The following WDR72 variants were observed in gnomAD, a reference collection of about 807,000 sequenced individuals.
WDR72 encodes the protein WD repeat domain 72, also known as WD repeat-containing protein 72.
A neutral mutation model predicts 124.2 loss-of-function variants in WDR72; 120 were observed. The ratio of observed to expected loss-of-function variants is 0.97; its 90% CI spans 0.83 to 1.12. The LOEUF is 1.12. Among genes scored for constraint, WDR72 ranks in the 50% most tolerant of loss-of-function variants. WDR72 has a pLI of 0.00. For missense variants in WDR72, 1,387 were observed against 1,278.8 expected (o/e 1.08, Z -1.29); for synonymous variants, 452 against 441.7 (o/e 1.02, Z -0.29).
chr15:53,685,063 A>C (rs931104505), intron 13 of WDR72, among the ~76,000 whole-genome samples: 6 of 152,196 alleles, frequency 3.9e-5, no homozygotes, highest in East Asian at 3.9e-4. Flanking sequence ...CCATCTGTAC[A>C]TCACCATCAT....
intron 18 of WDR72, among the ~76,000 whole-genome samples, chr15:53,568,072 GTTTT>G (rs66751840): frequency 7.2e-6 from 1 of 138,048 alleles, no homozygotes; most frequent in Non-Finnish European, 1.6e-5. Flanking sequence ...TTTTTGTCTT[GTTTT>G]TTTTTTTTTA....
intron 18 of WDR72, among the ~76,000 whole-genome samples, chr15:53,582,770 G>A (rs2011999041): frequency 6.6e-6 from 1 of 151,830 alleles, no homozygotes; most frequent in Non-Finnish European, 1.5e-5. Context: ...ATGAAGAAAT[G>A]CAATGACTAT....
intron 14 of WDR72, among the ~76,000 whole-genome samples, chr15:53,661,955 C>T (rs1033151287): frequency 6.6e-6 from 1 of 152,012 alleles, no homozygotes; most frequent in African/African-American, 2.4e-5. Flanking sequence ...TCCACTTTAC[C>T]CTTTTATTCA....
At chr15:53,643,890 A>G (rs2014947089) in intron 14 of WDR72, among the ~76,000 whole-genome samples, 1 of 152,184 alleles carries the variant, frequency 6.6e-6, no homozygotes, top group African/African-American at 2.4e-5. Context: ...TTAATTTTAC[A>G]TATGCAAACA....
chr15:53,689,294 G>A lies in WDR72; in HGVS notation c.1765+10456C>T, dbSNP rs1393942745. On this transcript the variant is annotated intron_variant, in intron 13 of 19. Transcript: ENST00000360509. ...TGAGCAGGCAACCTACAAAATGGGA[G>A]AAAATTTTCACAACCTACTCATCTG... Among the ~76,000 whole-genome samples, 27 of 150,020 alleles carry A rather than the reference G, an allele frequency of 1.8e-4. 1 individual carries two copies. In the South Asian group the frequency reaches 2.5e-3, roughly 14 times the overall value.
chr15:53,615,614 G>A lies in WDR72; in HGVS notation c.2592C>T (p.Ser864=). 6.2e-7 allele frequency: 1 copy of A among 1,612,442 alleles called. No homozygotes were observed. The highest frequency in any genetic ancestry group is 8.5e-7 in the Non-Finnish European group (1 of 1,179,136). The change falls in exon 15 of 20, where the codon TCC becomes TCT. Residue 864 remains serine (S), a synonymous_variant. Transcript: ENST00000360509. ...TATCTGACAAGTCCAAAACTTTCCT[G>A]GAAAATAAATTTACTCCTGAATAGT... ...IKDYSGVNLF[S]RKVLDLSDKY...
chr15:53,726,312 A>T (rs76999334), intron 2 of WDR72, among the ~76,000 whole-genome samples: 4,832 of 85,958 alleles, frequency 0.056, 176 homozygotes, highest in Non-Finnish European at 0.068. Context: ...CTAGTGTGGG[A>T]TGTTAATGGT....
intron 14 of WDR72, among the ~76,000 whole-genome samples, chr15:53,640,555 T>G (rs1312976019): frequency 6.6e-6 from 1 of 152,194 alleles, no homozygotes; most frequent in African/African-American, 2.4e-5. Flanking sequence ...TTTCTGGTTC[T>G]TTTAAAAATT....
At chr15:53,717,206 T>G (rs2017738999) in intron 3 of WDR72, among the ~76,000 whole-genome samples, 1 of 152,132 alleles carries the variant, frequency 6.6e-6, no homozygotes, top group Admixed American at 6.5e-5. Context: ...CACTTAATAT[T>G]TAGAAAAATA....
At chr15:53,623,759 A>C (rs922148455) in intron 14 of WDR72, among the ~76,000 whole-genome samples, 2 of 152,176 alleles carry the variant, frequency 1.3e-5, no homozygotes, top group Admixed American at 6.6e-5. Flanking sequence ...TTACATTCCC[A>C]CCAAGTATAA....
intron 18 of WDR72, among the ~76,000 whole-genome samples, chr15:53,539,940 G>A (rs1010517966): frequency 1.1e-4 from 16 of 152,030 alleles, no homozygotes; most frequent in African/African-American, 3.6e-4. Flanking sequence ...AAGATAAAAG[G>A]ATAGACAGGA....
intron 13 of WDR72, among the ~76,000 whole-genome samples, chr15:53,682,453 G>A (rs889035944): frequency 6.6e-6 from 1 of 151,996 alleles, no homozygotes; most frequent in African/African-American, 2.4e-5. Context: ...AGTATTAATT[G>A]TTTATTTAAT....
intron 14 of WDR72, among the ~76,000 whole-genome samples, chr15:53,648,061 C>G (rs1276704912): frequency 6.6e-6 from 1 of 152,116 alleles, no homozygotes; most frequent in East Asian, 1.9e-4. Context: ...CCTAACTTCC[C>G]CACCTCTGAC....
intron 17 of WDR72, among the ~76,000 whole-genome samples, chr15:53,602,716 C>A (rs1026195847): frequency 1.3e-5 from 2 of 151,772 alleles, no homozygotes; most frequent in Non-Finnish European, 2.9e-5. Context: ...AATATATACA[C>A]GTGACCTAGA....
chr15:53,537,268 T>C (rs1407313925), intron 18 of WDR72, among the ~76,000 whole-genome samples: 4 of 152,196 alleles, frequency 2.6e-5, no homozygotes, highest in Admixed American at 2.6e-4. Context: ...GATGGTTTAA[T>C]TGAATGACAT....
chr15:53,536,640 G>A (rs1566947665), intron 18 of WDR72, among the ~76,000 whole-genome samples: 1 of 152,140 alleles, frequency 6.6e-6, no homozygotes, highest in African/African-American at 2.4e-5. Flanking sequence ...TCCAGCTGAC[G>A]TTTTAGAAGT....
In WDR72 at chr15:53,722,349, T is replaced by A. The variant is rs2017900820; in HGVS notation, c.260+453A>T. On this transcript the variant is annotated intron_variant, in intron 3 of 19. Transcript: ENST00000360509. Reference sequence around the variant, plus strand: ...CGTGCCCGGCCTGTTAGTTTTATAGTAGCATCAGACAAGGGTACAACATGA... The same window carrying A: ...CGTGCCCGGCCTGTTAGTTTTATAGAAGCATCAGACAAGGGTACAACATGA... 2.0e-5 allele frequency among the ~76,000 whole-genome samples: 3 copies of A among 152,180 alleles called. No individual in the cohort carries two copies. In the South Asian group the frequency reaches 6.2e-4, roughly 31 times the overall value.
intron 18 of WDR72, among the ~76,000 whole-genome samples, chr15:53,555,009 C>A (rs1893872820): frequency 6.6e-6 from 1 of 151,996 alleles, no homozygotes; most frequent in South Asian, 2.1e-4. Flanking sequence ...CTGTCAGGAG[C>A]TGGTGTTAGC....
At chr15:53,666,479 T>C (rs1291200128) in intron 13 of WDR72, among the ~76,000 whole-genome samples, 1 of 152,164 alleles carries the variant, frequency 6.6e-6, no homozygotes, top group Non-Finnish European at 1.5e-5. Flanking sequence ...AATGCTTTTA[T>C]AAAATACAAT....
Sources: allele counts gnomAD v4.1 joint callset (sites outside exome capture counted in the v4.1 genomes callset), GRCh38; gene constraint gnomAD v4.1.1; transcripts MANE v1.5; gene names NCBI Gene and HGNC (gene_info 2026-07-23, HGNC 2026-07-21).